Variants in EDARADD observed in about 807,000 individuals in gnomAD.
EDARADD encodes ectodysplasin-A receptor-associated adapter protein.
Under a neutral mutation model 25.6 loss-of-function variants are expected in EDARADD, and 20 were observed. The ratio of observed to expected loss-of-function variants is 0.78; its 90% CI spans 0.55 to 1.14. The LOEUF (loss-of-function observed/expected upper bound fraction) is 1.14, where lower values mean the gene tolerates loss of function less well. EDARADD is among the 50% of genes most tolerant of loss of function. The probability of loss-of-function intolerance (pLI) is 0.00; values close to 1 mark genes in which losing one functional copy is unlikely to be tolerated. For synonymous variants in EDARADD, 86 were observed against 94.4 expected (o/e 0.91, Z 0.52); for missense variants, 225 against 270.1 (o/e 0.83, Z 1.17).
Position 236,483,603 on chromosome 1 carries a change from G to C in EDARADD, c.*954G>C. 6.6e-7 allele frequency: 1 copy of C among 1,511,436 alleles called. No homozygotes were observed. Among genetic ancestry groups the C allele is most frequent in the Non-Finnish European group, 9.2e-7 (1 of 1,088,580 alleles). 93.6% of individuals were successfully genotyped at this position (1,511,436 alleles called of 1,614,324 possible). A position where few individuals can be genotyped will look rare whatever the true frequency, so the allele number is the denominator to read the frequency against. On this transcript the variant is annotated 3_prime_UTR_variant, in exon 6 of 6. Transcript: ENST00000334232. ...TGGCAACTCCAAAGTCATCTTGCCA[G>C]TCCCGGTGTTCAATGTCATCAATGG...
intron 4 of EDARADD, among the ~76,000 whole-genome samples, chr1:236,430,457 T>C (rs559696872): frequency 4.7e-4 from 72 of 152,342 alleles, no homozygotes; most frequent in African/African-American, 1.3e-3. Context: ...ACAGAATATA[T>C]GTTAGCACAC....
chr1:236,355,818 C>T (rs1275754599), intron 3 of EDARADD, among the ~76,000 whole-genome samples: 1 of 151,706 alleles, frequency 6.6e-6, no homozygotes, highest in Non-Finnish European at 1.5e-5. Context: ...CTCACTCATT[C>T]TCTTCTGGAC....
chr1:236,406,487 A>G (rs563958132), intron 1 of EDARADD, among the ~76,000 whole-genome samples: 50 of 152,348 alleles, frequency 3.3e-4, no homozygotes, highest in Non-Finnish European at 6.8e-4. Flanking sequence ...TGTTTGGTAC[A>G]GCCCATTGCT....
intron 4 of EDARADD, among the ~76,000 whole-genome samples, chr1:236,456,576 T>A (rs59864109): frequency 0.23 from 34,564 of 151,898 alleles, 6,632 homozygotes; most frequent in African/African-American, 0.52. Context: ...TCCCAGACTG[T>A]GACCTTGCCA....
chr1:236,444,223 C>T (rs1392670531), intron 4 of EDARADD, among the ~76,000 whole-genome samples: 5 of 151,916 alleles, frequency 3.3e-5, no homozygotes, highest in South Asian at 2.1e-4. Flanking sequence ...TGCTTTATTG[C>T]TATATTTGTT....
intron 5 of EDARADD, among the ~76,000 whole-genome samples, chr1:236,473,265 G>A (rs1482175015): frequency 3.9e-5 from 6 of 152,060 alleles, no homozygotes; most frequent in Non-Finnish European, 7.3e-5. Context: ...TAGGGGGAGG[G>A]TGCCACTTTA....
intron 5 of EDARADD, among the ~76,000 whole-genome samples, chr1:236,481,367 G>A (rs1659666405): frequency 6.6e-6 from 1 of 152,106 alleles, no homozygotes; most frequent in South Asian, 2.1e-4. Context: ...GGCCAGCAGT[G>A]TCACAAATGC....
intron 3 of EDARADD, among the ~76,000 whole-genome samples, chr1:236,356,720 A>C (rs901153048): frequency 1.3e-5 from 2 of 151,520 alleles, no homozygotes; most frequent in Admixed American, 6.6e-5. Context: ...AGTCTCTACT[A>C]CCGTGTACTT....
chr1:236,482,732 A>G lies in EDARADD; in HGVS notation c.*83A>G. The G allele has an allele frequency of 6.3e-7, 1 of 1,593,020 alleles. No individual in the cohort carries two copies. Among genetic ancestry groups the G allele is most frequent in the Non-Finnish European group, 8.5e-7 (1 of 1,174,110 alleles). ...AGGAATGTGAATCTGTTGTTTTATA[A>G]GAGTTTAGGACAAGGACGTGGAACA... is the stretch of plus-strand genomic sequence containing the variant. On this transcript the variant is annotated 3_prime_UTR_variant, in exon 6 of 6. Coordinates refer to ENST00000334232, the MANE Select transcript of EDARADD (RefSeq NM_145861.4).
At chr1:236,406,167 T>C (rs1667735924) in intron 1 of EDARADD, among the ~76,000 whole-genome samples, 1 of 151,688 alleles carries the variant, frequency 6.6e-6, no homozygotes, top group African/African-American at 2.4e-5. Context: ...AGGTACCCTG[T>C]AGTGAAGATG....
At chr1:236,479,522 A>G (rs35402691) in intron 5 of EDARADD, among the ~76,000 whole-genome samples, 44,790 of 151,438 alleles carry the variant, frequency 0.3, 7,375 homozygotes, top group Non-Finnish European at 0.36. Flanking sequence ...AAACCTCTCT[A>G]TTCGCCTTTT....
At position 236,483,991 on chromosome 1, in the gene EDARADD, T is replaced by C; in HGVS notation, c.*1342T>C. ...ACCAGGTACATCTCACCTGACTGTC[T>C]GGCTGACCTGTACAAGTCCTTCATC... On this transcript the variant is annotated 3_prime_UTR_variant, in exon 6 of 6. Coordinates refer to ENST00000334232, the MANE Select transcript of EDARADD (RefSeq NM_145861.4). 7.2e-7 allele frequency: 1 copy of C among 1,396,564 alleles called. No homozygotes were observed. Among genetic ancestry groups the C allele is most frequent in the Non-Finnish European group, 1.0e-6 (1 of 983,872 alleles). 86.5% of individuals were successfully genotyped at this position (1,396,564 alleles called of 1,614,324 possible).
In EDARADD at chr1:236,377,406, T is replaced by C. The variant is rs138701057; in HGVS notation, c.-6+26567T>C. Among the ~76,000 whole-genome samples the C allele has an allele frequency of 7.8e-3, 1,177 of 150,732 alleles. 21 individuals carry two copies. The highest frequency in any genetic ancestry group is 0.027 in the African/African-American group (1,129 of 41,424). On this transcript the variant is annotated intron_variant, in intron 3 of 7. Transcript: ENST00000439430. Reference sequence around the variant, plus strand: ...CCTGACCTCAAGCTATCTGCCCATCTTGGCCTCCCAAAGTGCTGGGATTAC... The same window carrying C: ...CCTGACCTCAAGCTATCTGCCCATCCTGGCCTCCCAAAGTGCTGGGATTAC...
intron 4 of EDARADD, among the ~76,000 whole-genome samples, chr1:236,449,477 G>A (rs915894440): frequency 6.6e-6 from 1 of 152,200 alleles, no homozygotes; most frequent in African/African-American, 2.4e-5. Context: ...AGGGTATTGT[G>A]TGTTTATCTG....
At position 236,484,458 on chromosome 1, in the gene EDARADD, C is replaced by T. The variant is rs878900513; in HGVS notation, c.*1809C>T. On this transcript the variant is annotated 3_prime_UTR_variant, in exon 6 of 6. Coordinates refer to ENST00000334232, the MANE Select transcript of EDARADD (RefSeq NM_145861.4). The surrounding 1 kb of genome is among the most constrained non-coding windows in gnomAD (Gnocchi z 4.1). The stretch of plus-strand genomic sequence containing the variant: ...TGCCGGCAGGAACTTCAGAAACCCC[C>T]CAGCCAAGTAAGCTGTGGGCAGGCA... The T allele has an allele frequency of 2.0e-5, 32 of 1,608,494 alleles. 1 individual carries two copies. In the Admixed American group the frequency reaches 2.3e-4, roughly 12 times the overall value.
Position 236,405,877 on chromosome 1 carries a change from C to CCTTCCTTCCT in EDARADD, c.62-3339_62-3338insCTTCCTTCCT, listed in dbSNP as rs1553265554. ...TCCTTCCTTCCTTCCTTCCTTCCTT[C>CCTTCCTTCCT]TTTCTTTCTTTCTTTCTTTCTTTCT... is the stretch of plus-strand genomic sequence containing the variant. On this transcript the variant is annotated intron_variant, in intron 1 of 5. Transcript: ENST00000334232. Among the ~76,000 whole-genome samples the CCTTCCTTCCT allele has an allele frequency of 4.3e-3, 133 of 31,234 alleles. 2 individuals are homozygous for CCTTCCTTCCT. Among genetic ancestry groups the CCTTCCTTCCT allele is most frequent in the African/African-American group, 0.013 (126 of 9,380 alleles). 20.5% of individuals were successfully genotyped at this position (31,234 alleles called of 152,430 possible).
chr1:236,363,043 TACAG>T (rs1434032864), intron 3 of EDARADD, among the ~76,000 whole-genome samples: 31 of 101,070 alleles, frequency 3.1e-4, no homozygotes, highest in African/African-American at 1.1e-3. Flanking sequence ...AAAATTTGTG[TACAG>T]ACAGAGTCTT....
At chr1:236,423,413 A>G (rs547880726) in intron 3 of EDARADD, among the ~76,000 whole-genome samples, 23 of 152,310 alleles carry the variant, frequency 1.5e-4, no homozygotes, top group African/African-American at 5.5e-4. Context: ...GCAGTGGCCC[A>G]TCTCTTTCCG....
At chr1:236,468,190 T>C in intron 4 of EDARADD, 41 bp from the exon 5 acceptor site, 2 of 1,587,564 alleles carry the variant, frequency 1.3e-6, no homozygotes, top group Non-Finnish European at 1.7e-6. Flanking sequence ...TCCATTCACA[T>C]TTGGATATGA....
Sources: allele counts gnomAD v4.1 joint callset (sites outside exome capture counted in the v4.1 genomes callset), GRCh38; gene constraint gnomAD v4.1.1; non-coding constraint Gnocchi (gnomAD v3.1); transcripts MANE v1.5; gene names NCBI Gene and HGNC (gene_info 2026-07-23, HGNC 2026-07-21).